The following THSD4 variants were observed in gnomAD, a reference collection of about 807,000 sequenced individuals.
The protein encoded by THSD4 is thrombospondin type-1 domain-containing protein 4.
Under a neutral mutation model 119.0 loss-of-function variants are expected in THSD4, and 69 were observed. The observed-to-expected ratio is 0.58, with a 90% CI of 0.48 to 0.71. The LOEUF (loss-of-function observed/expected upper bound fraction) is 0.71, where lower values mean the gene tolerates loss of function less well. THSD4 is among the 30% of genes least tolerant of loss of function. The probability of loss-of-function intolerance (pLI) is 0.00; values close to 1 mark genes in which losing one functional copy is unlikely to be tolerated. For missense variants in THSD4, 1,393 were observed against 1,391.1 expected (o/e 1.00, Z -0.02); for synonymous variants, 524 against 540.4 (o/e 0.97, Z 0.42).
intron 7 of THSD4, among the ~76,000 whole-genome samples, chr15:71,622,211 A>G (rs2050430871): frequency 6.6e-6 from 1 of 152,258 alleles, no homozygotes; most frequent in African/African-American, 2.4e-5. Context: ...CTCTGAAGGA[A>G]TTAATCAAAA....
chr15:71,537,750 A>T (rs540276319), intron 7 of THSD4, among the ~76,000 whole-genome samples: 65 of 151,726 alleles, frequency 4.3e-4, no homozygotes, highest in African/African-American at 9.4e-4. Context: ...CTTTAAAAAA[A>T]TTTTTTTTTA....
chr15:71,539,865 T>G (rs1332411196), intron 7 of THSD4, among the ~76,000 whole-genome samples: 1 of 152,144 alleles, frequency 6.6e-6, no homozygotes, highest in Non-Finnish European at 1.5e-5. Context: ...AAAAGATGCA[T>G]CTCTTGTTAT....
intron 3 of THSD4, chr15:71,185,660 C>T (rs1171864000): frequency 6.6e-6 from 1 of 152,172 alleles, no homozygotes; most frequent in Non-Finnish European, 1.5e-5. Context: ...CCTTTATTTT[C>T]TTCCTGTGCC....
intron 1 of THSD4, among the ~76,000 whole-genome samples, chr15:71,107,313 T>A (rs1266166036): frequency 6.6e-6 from 1 of 151,314 alleles, no homozygotes; most frequent in Non-Finnish European, 1.5e-5. Context: ...CTTTTGCAAT[T>A]ACCTGTTTTT....
chr15:71,521,438 T>C (rs1368934678), intron 7 of THSD4, among the ~76,000 whole-genome samples: 1 of 152,252 alleles, frequency 6.6e-6, no homozygotes, highest in Non-Finnish European at 1.5e-5. Flanking sequence ...ATATTTTCTT[T>C]GACATTCATC....
chr15:71,464,823 A>G (rs1005533668), intron 7 of THSD4, among the ~76,000 whole-genome samples: 4 of 152,102 alleles, frequency 2.6e-5, no homozygotes, highest in Non-Finnish European at 4.4e-5. Context: ...CCAACTTCCC[A>G]TTTGTTCCAC....
chr15:71,463,720 G>A (rs1315431431), intron 7 of THSD4, among the ~76,000 whole-genome samples: 1 of 152,016 alleles, frequency 6.6e-6, no homozygotes, highest in East Asian at 1.9e-4. Context: ...TAGGACCAGG[G>A]ATTACCTGAT....
intron 8 of THSD4, among the ~76,000 whole-genome samples, chr15:71,685,955 T>A (rs748112874): frequency 6.6e-6 from 1 of 152,146 alleles, no homozygotes; most frequent in Non-Finnish European, 1.5e-5. Context: ...AATATATCCA[T>A]TTTTTTAAAC....
rs117358203 is a variant in THSD4 at position 71,557,986 on chromosome 15, G to A, written c.1153-102544G>A. Among the ~76,000 whole-genome samples, 1,367 of 151,706 alleles carry A rather than the reference G, an allele frequency of 9.0e-3. 7 individuals are homozygous for A. Among genetic ancestry groups the A allele is most frequent in the Middle Eastern group, 0.027 (8 of 294 alleles). On this transcript the variant is annotated intron_variant, in intron 7 of 17. Transcript: ENST00000261862. ...TATTCCATTCAATTCTGCTCTTTCC[G>A]CGGGTTTATTTATGTCATCATTTTT...
At chr15:71,550,894 A>G (rs999221419) in intron 7 of THSD4, among the ~76,000 whole-genome samples, 53 of 152,216 alleles carry the variant, frequency 3.5e-4, no homozygotes, top group African/African-American at 1.2e-3. Flanking sequence ...AAACTACTGA[A>G]CCATATCCTT....
At chr15:71,601,730 G>A (rs558871545) in intron 7 of THSD4, among the ~76,000 whole-genome samples, 6 of 152,284 alleles carry the variant, frequency 3.9e-5, no homozygotes, top group South Asian at 4.1e-4. Context: ...TTGCTTCAGC[G>A]TCATCTGGTA....
chr15:71,762,091 G>T (rs900909545), intron 15 of THSD4, among the ~76,000 whole-genome samples: 1 of 151,934 alleles, frequency 6.6e-6, no homozygotes, highest in Non-Finnish European at 1.5e-5. Flanking sequence ...CATAATTTCT[G>T]GTCCATCAAG....
rs2054023378 is a variant in THSD4, at chr15:71,783,175, G to A, written c.*5801G>A. The A allele has an allele frequency of 6.6e-6, 1 of 152,152 alleles. No individual in the cohort carries two copies. The highest frequency in any genetic ancestry group is 2.4e-5 in the African/African-American group (1 of 41,422). The allele number at this position is 152,152 out of a possible 1,614,324, so 9.4% of individuals were successfully genotyped here. The stretch of plus-strand genomic sequence containing the variant: ...GTGAAAGGTAGAAGGCGAATTATGT[G>A]AGTAAATATGGTCTGTTTTCTCTTC... On this transcript the variant is annotated 3_prime_UTR_variant, in exon 18 of 18. Coordinates refer to ENST00000261862, the MANE Select transcript of THSD4 (RefSeq NM_024817.3).
rs554882995 is a variant in THSD4 at position 71,568,284 on chromosome 15, A to G, written c.1153-92246A>G. On this transcript the variant is annotated intron_variant, in intron 7 of 17. Transcript: ENST00000261862. ...CATTGAGAACTGCAAATAAAGCAAAATGCATGTTTTCTTCAAAGTGGCCAC... is the reference window on the plus strand; with the variant it reads ...CATTGAGAACTGCAAATAAAGCAAAGTGCATGTTTTCTTCAAAGTGGCCAC... Among the ~76,000 whole-genome samples the G allele has an allele frequency of 1.2e-4, 18 of 152,246 alleles. No homozygotes were observed. The South Asian group carries it at 3.7e-3, about 32-fold the overall frequency.
At chr15:71,695,774 T>G (rs749662301) in intron 8 of THSD4, among the ~76,000 whole-genome samples, 1 of 152,194 alleles carries the variant, frequency 6.6e-6, no homozygotes, top group Non-Finnish European at 1.5e-5. Flanking sequence ...GATTCAAATC[T>G]TGACTCTTCC....
chr15:71,339,368 C>T (rs925676731), intron 6 of THSD4, among the ~76,000 whole-genome samples: 9 of 151,992 alleles, frequency 5.9e-5, no homozygotes, highest in Admixed American at 1.3e-4. Context: ...AAATCTTTGC[C>T]GACCCTCTCA....
At chr15:71,724,519 T>C (rs993259516) in intron 8 of THSD4, among the ~76,000 whole-genome samples, 1 of 151,402 alleles carries the variant, frequency 6.6e-6, no homozygotes, top group African/African-American at 2.4e-5. Context: ...TCTCCTGACC[T>C]CGTGATCCGC....
At chr15:71,677,185 C>T (rs889090515) in intron 8 of THSD4, among the ~76,000 whole-genome samples, 9 of 152,176 alleles carry the variant, frequency 5.9e-5, no homozygotes, top group Admixed American at 2.6e-4. Flanking sequence ...CAAGATGCTG[C>T]GCTGGGCTTT....
intron 7 of THSD4, among the ~76,000 whole-genome samples, chr15:71,617,929 T>C (rs2050347599): frequency 6.6e-6 from 1 of 152,234 alleles, no homozygotes; most frequent in Admixed American, 6.5e-5. Context: ...GTTTATCTTT[T>C]TTCTCAAAGG....
Sources: gnomAD v4.1 joint callset for allele counts (sites outside exome capture counted in the v4.1 genomes callset) on GRCh38, gnomAD v4.1.1 for gene constraint, MANE v1.5 for transcripts, NCBI Gene and HGNC (gene_info 2026-07-23, HGNC 2026-07-21) for gene names.